The following CCDC141 variants were observed in gnomAD, a reference collection of about 807,000 sequenced individuals.
CCDC141 encodes coiled-coil domain containing 141.
CCDC141 carries 168 observed loss-of-function variants against 181.0 expected under a neutral mutation model. The ratio of observed to expected loss-of-function variants is 0.93; its 90% confidence interval spans 0.82 to 1.05. CCDC141 has a LOEUF of 1.05. Ranked by LOEUF, CCDC141 falls within the 50% of genes least tolerant of loss-of-function variation. The pLI is 0.00. For synonymous variants in CCDC141, 666 were observed against 642.3 expected (o/e 1.04, Z -0.56); for missense variants, 1,902 against 1,788.5 (o/e 1.06, Z -1.14).
Position 178,856,360 on chromosome 2 carries a change from T to C in CCDC141, c.2762A>G (p.Asn921Ser), listed in dbSNP as rs149039381. The part of the protein sequence containing the change: ...DSFKDIKKKF[N>S]NLKFNYTKKN... ...CTTAGTGTAATTAAACTTCAAATTATTGAATTTCTTTTTGATATCTTTGAA... is the reference window on the plus strand; with the variant it reads ...CTTAGTGTAATTAAACTTCAAATTACTGAATTTCTTTTTGATATCTTTGAA... Residue 921 changes from asparagine (N) to serine (S), a missense_variant, in exon 18 of 24, where the codon AAT becomes AGT. By Grantham distance (46) the Asn-to-Ser change is conservative. Coordinates refer to ENST00000443758, the MANE Select transcript of CCDC141 (RefSeq NM_173648.4). The C allele has an allele frequency of 4.4e-6, 7 of 1,602,772 alleles. No homozygotes were observed. Among genetic ancestry groups the C allele is most frequent in the Middle Eastern group, 1.7e-4 (1 of 5,824 alleles).
chr2:178,989,755 G>GTT (rs1691952978), intron 2 of CCDC141, among the ~76,000 whole-genome samples: 1 of 141,342 alleles, frequency 7.1e-6, no homozygotes, highest in East Asian at 2.2e-4. Flanking sequence ...ATGCTCAAAT[G>GTT]ATTAGTCTTA....
rs1038463432 is a variant in CCDC141 at position 179,050,084 on chromosome 2, C to T, written c.-143G>A. ...TGATTACTCTGCCAAAAGGAAAGAACAGGAGGTTAAAAATAGACAACCCCA... is the reference window on the plus strand; with the variant it reads ...TGATTACTCTGCCAAAAGGAAAGAATAGGAGGTTAAAAATAGACAACCCCA... On this transcript the variant is annotated 5_prime_UTR_variant, in exon 1 of 24. Coordinates refer to ENST00000443758, the MANE Select transcript of CCDC141 (RefSeq NM_173648.4). 1.5e-6 allele frequency: 2 copies of T among 1,320,736 alleles called. No homozygotes were observed. Among genetic ancestry groups the T allele is most frequent in the Non-Finnish European group, 2.0e-6 (2 of 992,174 alleles). 81.8% of individuals were successfully genotyped at this position (1,320,736 alleles called of 1,614,324 possible).
At chr2:178,892,524 C>A (rs1193471598) in intron 8 of CCDC141, among the ~76,000 whole-genome samples, 1 of 152,146 alleles carries the variant, frequency 6.6e-6, no homozygotes, top group East Asian at 1.9e-4. Context: ...TTCTTAGTGA[C>A]ACCCTAATCT....
At chr2:178,864,655 A>G (rs967939659) in intron 17 of CCDC141, among the ~76,000 whole-genome samples, 1 of 152,126 alleles carries the variant, frequency 6.6e-6, no homozygotes, top group Admixed American at 6.5e-5. Context: ...CCTTCCAGCC[A>G]TGGTCCATCC....
At chr2:178,991,264 T>C (rs1692041444) in intron 2 of CCDC141, among the ~76,000 whole-genome samples, 1 of 152,226 alleles carries the variant, frequency 6.6e-6, no homozygotes, top group African/African-American at 2.4e-5. Flanking sequence ...AGTCTGCATT[T>C]ATGCCCTGAA....
chr2:179,010,375 A>G (rs1204748071), intron 2 of CCDC141, among the ~76,000 whole-genome samples: 1 of 152,216 alleles, frequency 6.6e-6, no homozygotes, highest in Non-Finnish European at 1.5e-5. Context: ...AAGACAAAGG[A>G]AAGAATCTTA....
chr2:178,998,893 T>C (rs1247253210), intron 2 of CCDC141, among the ~76,000 whole-genome samples: 2 of 152,194 alleles, frequency 1.3e-5, no homozygotes, highest in African/African-American at 4.8e-5. Flanking sequence ...TTAATGTGTA[T>C]TTAACATTAA....
At position 178,855,557 on chromosome 2, in the gene CCDC141, A is replaced by G. The variant is rs372514164; in HGVS notation, c.2866-16T>C. The G allele has an allele frequency of 4.6e-6, 7 of 1,516,510 alleles. No homozygotes were observed. Among genetic ancestry groups the G allele is most frequent in the Non-Finnish European group, 6.2e-6 (7 of 1,124,446 alleles). 93.9% of individuals were successfully genotyped at this position (1,516,510 alleles called of 1,614,324 possible). ...TTTTCAAAGCCTGTGTGAAAAACAA[A>G]AAGTTTTTTAAACAACATTCAATTT... On this transcript the variant is annotated splice_polypyrimidine_tract_variant and intron_variant, in intron 18 of 23. Coordinates refer to ENST00000443758, the MANE Select transcript of CCDC141 (RefSeq NM_173648.4).
chr2:178,923,975 T>C (rs1310440603), intron 6 of CCDC141, among the ~76,000 whole-genome samples: 1 of 152,174 alleles, frequency 6.6e-6, no homozygotes, highest in Non-Finnish European at 1.5e-5. Flanking sequence ...ATAACAATTA[T>C]CCAGCAAGCA....
intron 8 of CCDC141, among the ~76,000 whole-genome samples, chr2:178,895,495 A>G (rs1017735142): frequency 2.6e-5 from 4 of 152,174 alleles, no homozygotes; most frequent in African/African-American, 9.7e-5. Flanking sequence ...CGTGATAAAG[A>G]TACTTTATGA....
At chr2:178,972,433 T>C (rs1005413204) in intron 4 of CCDC141, among the ~76,000 whole-genome samples, 8 of 151,996 alleles carry the variant, frequency 5.3e-5, no homozygotes, top group Non-Finnish European at 8.8e-5. Flanking sequence ...AATAAGAAAA[T>C]AAATTATTAC....
chr2:178,845,653 CT>C lies in CCDC141; in HGVS notation c.3446del (p.Gln1149ArgfsTer33). The C allele has an allele frequency of 5.0e-6, 8 of 1,603,710 alleles. No homozygotes were observed. Among genetic ancestry groups the C allele is most frequent in the South Asian group, 1.1e-5 (1 of 90,844 alleles). ...DLLKEPAKNKQTIFNEERNKG... is the reference protein window; with the variant it reads ...DLLKEPAKNKXTIFNEERNKG... The stretch of plus-strand genomic sequence containing the variant: ...TATTCCTTTCTTCATTGAATATTGT[CT>C]GCTTATTTTTTGCTGGTTCCTTTAG... On this transcript the variant is annotated frameshift_variant, in exon 22 of 24. Coordinates refer to ENST00000443758, the MANE Select transcript of CCDC141 (RefSeq NM_173648.4). LOFTEE classifies it high-confidence loss of function.
intron 11 of CCDC141, among the ~76,000 whole-genome samples, chr2:178,884,350 A>T (rs147956079): frequency 6.6e-6 from 1 of 152,250 alleles, no homozygotes; most frequent in African/African-American, 2.4e-5. Context: ...TTTTGTTTCC[A>T]AACAGATAAC....
downstream of CCDC141, among the ~76,000 whole-genome samples, chr2:178,826,755 T>C (rs4894052): frequency 0.049 from 7,453 of 152,124 alleles, 363 homozygotes; most frequent in South Asian, 0.15. Flanking sequence ...GTCTTCTCTC[T>C]TTTGGTTATC....
In CCDC141 at chr2:178,871,516, T is replaced by G. The variant is rs747236775; in HGVS notation, c.2116A>C (p.Met706Leu). The change falls in exon 14 of 24, where the codon ATG becomes CTG. Residue 706 changes from methionine to leucine, a missense_variant. By Grantham distance (15) the Met-to-Leu change is conservative. Coordinates refer to ENST00000443758, the MANE Select transcript of CCDC141 (RefSeq NM_173648.4). ...CCGAGGTCAAGTGCAGACACAGGCA[T>G]AAGTGCTTCCTGAAGAAGTTTTAAG... ...HNLKLLQEALMPVSALDLGGS... is the reference protein window; with the variant it reads ...HNLKLLQEALLPVSALDLGGS... The G allele has an allele frequency of 6.2e-7, 1 of 1,613,950 alleles. No homozygotes were observed. Among genetic ancestry groups the G allele is most frequent in the East Asian group, 2.2e-5 (1 of 44,868 alleles).
chr2:178,926,027 C>T (rs1688894535), intron 6 of CCDC141, among the ~76,000 whole-genome samples: 1 of 151,954 alleles, frequency 6.6e-6, no homozygotes, highest in African/African-American at 2.4e-5. Flanking sequence ...CAAATATAGA[C>T]TTTTTTAAAA....
intron 6 of CCDC141, among the ~76,000 whole-genome samples, chr2:178,932,367 TC>T (rs1163425140): frequency 6.6e-6 from 1 of 152,134 alleles, no homozygotes; most frequent in African/African-American, 2.4e-5. Flanking sequence ...TAACTCCAAT[TC>T]CCTTGCCTGA....
chr2:178,862,136 C>T (rs552061257), intron 17 of CCDC141, among the ~76,000 whole-genome samples: 2 of 152,090 alleles, frequency 1.3e-5, no homozygotes, highest in South Asian at 2.1e-4. Context: ...CTGATTTATT[C>T]GAATTGAAAA....
intron 8 of CCDC141, among the ~76,000 whole-genome samples, chr2:178,898,765 G>C (rs539332126): frequency 6.4e-4 from 97 of 152,198 alleles, no homozygotes; most frequent in African/African-American, 2.3e-3. Flanking sequence ...TTACTAAGGA[G>C]GCTTCATCTC....
Sources: gnomAD v4.1 joint callset for allele counts (sites outside exome capture counted in the v4.1 genomes callset) on GRCh38, gnomAD v4.1.1 for gene constraint, MANE v1.5 for transcripts, NCBI Gene and HGNC (gene_info 2026-07-23, HGNC 2026-07-21) for gene names.